ADD2: variants seen among roughly 807,000 people sequenced by gnomAD.
The protein encoded by ADD2 is beta-adducin.
In ADD2, 23 loss-of-function variants were observed where a neutral mutation model predicts 83.0. The observed-to-expected ratio is 0.28, with a 90% confidence interval of 0.20 to 0.39. The LOEUF is 0.39. Ranked by LOEUF, ADD2 falls within the 10% of genes least tolerant of loss-of-function variation. The probability of loss-of-function intolerance (pLI) is 1.00; values close to 1 mark genes in which losing one functional copy is unlikely to be tolerated. For synonymous variants in ADD2, 375 were observed against 375.4 expected, an observed-to-expected ratio of 1.00 and a Z score of 0.01; for missense variants, 758 against 944.9, an observed-to-expected ratio of 0.80 and a Z score of 2.59.
Position 70,762,170 on chromosome 2 carries a change from G to A in ADD2, c.-154+5716C>T, listed in dbSNP as rs1041336730. On this transcript the variant is annotated intron_variant, in intron 1 of 15. Coordinates refer to ENST00000264436, the MANE Select transcript of ADD2 (RefSeq NM_001617.4). ...ATCACATATAATAAATGTAAATTGA[G>A]TCACAATTGGATTAAAAATCCAATT... Among the ~76,000 whole-genome samples, 3 of 151,516 alleles carry A rather than the reference G, an allele frequency of 2.0e-5. No individual in the cohort carries two copies. The East Asian group carries it at 5.8e-4, about 29-fold the overall frequency.
intron 14 of ADD2, among the ~76,000 whole-genome samples, chr2:70,674,023 A>G (rs914817740): frequency 5.9e-5 from 9 of 152,202 alleles, no homozygotes; most frequent in African/African-American, 1.9e-4. Context: ...AAGCTGAATT[A>G]TGTGTCTCAG....
intron 14 of ADD2, among the ~76,000 whole-genome samples, chr2:70,673,755 C>G (rs782084209): frequency 2.0e-5 from 3 of 152,162 alleles, no homozygotes; most frequent in Non-Finnish European, 4.4e-5. Context: ...TACCACCATG[C>G]CTGGCTAATT....
chr2:70,762,318 A>G (rs1553385163), intron 1 of ADD2, among the ~76,000 whole-genome samples: 1 of 151,866 alleles, frequency 6.6e-6, no homozygotes, highest in African/African-American at 2.4e-5. Context: ...TTCTTATCAC[A>G]CAGTAAAATT....
intron 1 of ADD2, among the ~76,000 whole-genome samples, chr2:70,715,129 G>C (rs1672397689): frequency 6.7e-6 from 1 of 148,236 alleles, no homozygotes; most frequent in East Asian, 1.9e-4. Flanking sequence ...CAATGAAACT[G>C]TCAAATCTCT....
chr2:70,716,503 T>C (rs901527732), intron 1 of ADD2, among the ~76,000 whole-genome samples: 1 of 152,288 alleles, frequency 6.6e-6, no homozygotes, highest in East Asian at 1.9e-4. Context: ...TTTACTTGCC[T>C]CTTCCATTCC....
intron 13 of ADD2, 142 bp from the exon 14 acceptor site, chr2:70,674,967 G>T: frequency 7.3e-7 from 1 of 1,376,344 alleles, no homozygotes. Context: ...ACAGCTCAGG[G>T]CCTTGGGGTA....
At chr2:70,726,215 A>AAAAAAAG (rs1672993945) in intron 1 of ADD2, among the ~76,000 whole-genome samples, 1 of 149,900 alleles carries the variant, frequency 6.7e-6, no homozygotes, top group Non-Finnish European at 1.5e-5. Flanking sequence ...AAAAAAAAGA[A>AAAAAAAG]TGTATTGTCA....
rs529439868 is a variant in ADD2, at chr2:70,672,962, A to G, written c.1786T>C (p.Ser596Pro). The part of the protein sequence containing the change: ...APEEPGSPAK[S>P]APASPVQSPA... The stretch of plus-strand genomic sequence containing the variant: ...CTCTGCACTGGAGAAGCAGGTGCAG[A>G]CTTTGCAGGTGAGCCAGGCTCTTCT... Residue 596 changes from serine (S) to proline (P), a missense_variant, in exon 15 of 16, where the codon TCT (serine) becomes CCT (proline). Around this residue, in one of 5 missense-constraint regions of ADD2, gnomAD observed 165 missense variants for 176.2 expected, o/e 0.94. Coordinates refer to ENST00000264436, the MANE Select transcript of ADD2 (RefSeq NM_001617.4). 21 of 1,613,944 alleles carry G rather than the reference A, an allele frequency of 1.3e-5. No individual in the cohort carries two copies. In the African/African-American group the frequency reaches 2.0e-4, roughly 15 times the overall value.
intron 1 of ADD2, among the ~76,000 whole-genome samples, chr2:70,742,935 T>G (rs1413630382): frequency 6.6e-6 from 1 of 152,196 alleles, no homozygotes; most frequent in African/African-American, 2.4e-5. Context: ...GAGGGAAAAA[T>G]ATACACTCTC....
intron 1 of ADD2, among the ~76,000 whole-genome samples, chr2:70,714,068 G>T (rs1412305135): frequency 1.3e-5 from 2 of 152,102 alleles, no homozygotes; most frequent in African/African-American, 4.8e-5. Context: ...ACTGAAGGAG[G>T]AATATAAAGT....
intron 15 of ADD2, among the ~76,000 whole-genome samples, chr2:70,664,846 CTGTG>C (rs367971184): frequency 1.1e-4 from 16 of 151,666 alleles, no homozygotes; most frequent in South Asian, 2.1e-4. Context: ...ATGAGTGTGT[CTGTG>C]TGTGTGGTGT....
Position 70,663,584 on chromosome 2 carries a change from G to A in ADD2, c.2022C>T (p.Asp674=). ...KGLSQMTTSA[D]TDVDTSKDKT... ...TGTCCTTAGAGGTATCAACATCCGT[G>A]TCAGCACTGGTGGTCATCTGGCTCA... Residue 674 remains aspartate (D), a synonymous_variant, in exon 16 of 16, where the codon GAC becomes GAT. Transcript: ENST00000264436. The A allele has an allele frequency of 1.2e-6, 2 of 1,614,180 alleles. No individual in the cohort carries two copies. Among genetic ancestry groups the A allele is most frequent in the Non-Finnish European group, 1.7e-6 (2 of 1,180,038 alleles).
At chr2:70,726,819 C>T (rs1482523861) in intron 1 of ADD2, among the ~76,000 whole-genome samples, 1 of 152,132 alleles carries the variant, frequency 6.6e-6, no homozygotes, top group Non-Finnish European at 1.5e-5. Context: ...CTAAAACAGC[C>T]TATGTCAAGA....
At position 70,736,024 on chromosome 2, in the gene ADD2, G is replaced by A. The variant is rs1303878356; in HGVS notation, c.-153-22840C>T. ...AGCCCATGTTCCCCCACTTTCCATCGCAGAAGCCTGACCAGGCAGTCATGC... is the reference window on the plus strand; with the variant it reads ...AGCCCATGTTCCCCCACTTTCCATCACAGAAGCCTGACCAGGCAGTCATGC... On this transcript the variant is annotated intron_variant, in intron 1 of 15. Transcript: ENST00000264436. Among the ~76,000 whole-genome samples, 3 of 151,904 alleles carry A rather than the reference G, an allele frequency of 2.0e-5. No individual in the cohort carries two copies. In the East Asian group the frequency reaches 5.8e-4, roughly 29 times the overall value.
chr2:70,677,035 A>T, intron 12 of ADD2, 150 bp from the exon 13 acceptor site: 2 of 1,319,222 alleles, frequency 1.5e-6, no homozygotes. Context: ...TTGTACTTTA[A>T]GGGGGGGCCT....
Position 70,704,557 on chromosome 2 carries a change from C to T in ADD2, c.184-98G>A, listed in dbSNP as rs1671792671. ...TGCCCACCCCTTGCCCCTGGGTCAG[C>T]TAGGTCAGGGCCATGCTCAGGGTCC... On this transcript the variant is annotated intron_variant, in intron 3 of 15. Coordinates refer to ENST00000264436, the MANE Select transcript of ADD2 (RefSeq NM_001617.4). The T allele has an allele frequency of 2.7e-6, 4 of 1,502,840 alleles. No individual in the cohort carries two copies. In the East Asian group the frequency reaches 9.2e-5, roughly 34 times the overall value. 93.1% of individuals were successfully genotyped at this position (1,502,840 alleles called of 1,614,324 possible).
At chr2:70,726,111 C>A (rs565154422) in intron 1 of ADD2, among the ~76,000 whole-genome samples, 45 of 135,698 alleles carry the variant, frequency 3.3e-4, no homozygotes, top group Admixed American at 9.5e-4. Flanking sequence ...GGCATGAACC[C>A]AGGAGGCGGA....
intron 4 of ADD2, among the ~76,000 whole-genome samples, chr2:70,701,542 G>A (rs2104366112): frequency 6.6e-6 from 1 of 152,082 alleles, no homozygotes; most frequent in South Asian, 2.1e-4. Flanking sequence ...TAAACCAATG[G>A]GTAAATGTTG....
intron 1 of ADD2, among the ~76,000 whole-genome samples, chr2:70,734,640 G>A (rs1186285412): frequency 6.6e-6 from 1 of 152,224 alleles, no homozygotes; most frequent in African/African-American, 2.4e-5. Context: ...AGAGGAGAAA[G>A]GATGACCAGT....
Sources: gnomAD v4.1 joint callset for allele counts (sites outside exome capture counted in the v4.1 genomes callset) on GRCh38, gnomAD v4.1.1 for gene constraint, gnomAD v4.1.1 regional missense constraint, MANE v1.5 for transcripts, NCBI Gene and HGNC (gene_info 2026-07-23, HGNC 2026-07-21) for gene names.